The following UBE2E2 variants were observed in gnomAD, a reference collection of about 807,000 sequenced individuals.
UBE2E2 encodes ubiquitin conjugating enzyme E2 E2.
In UBE2E2, 6 loss-of-function variants were observed where a neutral mutation model predicts 24.7. The observed-to-expected ratio is 0.24, with a 90% CI of 0.13 to 0.48. UBE2E2 has a LOEUF of 0.48. Among genes scored for constraint, UBE2E2 ranks in the 20% least tolerant of loss-of-function variants. UBE2E2 has a pLI of 0.99. For synonymous variants in UBE2E2, 104 were observed against 83.6 expected (o/e 1.24, Z -1.33); for missense variants, 169 against 245.0 (o/e 0.69, Z 2.07).
intron 3 of UBE2E2, among the ~76,000 whole-genome samples, chr3:23,416,678 A>G (rs1393665768): frequency 6.6e-6 from 1 of 152,164 alleles, no homozygotes; most frequent in African/African-American, 2.4e-5. Flanking sequence ...CGTCACTTTC[A>G]GGTACACCAA....
At chr3:23,220,995 T>A (rs973415114) in intron 3 of UBE2E2, among the ~76,000 whole-genome samples, 2 of 152,218 alleles carry the variant, frequency 1.3e-5, no homozygotes, top group Non-Finnish European at 2.9e-5. Context: ...AACTTGCTCC[T>A]CTGTATCACA....
intron 4 of UBE2E2, among the ~76,000 whole-genome samples, chr3:23,520,675 T>C (rs1258745726): frequency 6.6e-6 from 1 of 152,152 alleles, no homozygotes; most frequent in Non-Finnish European, 1.5e-5. Context: ...AGACACAGAG[T>C]CTCTGTCATT....
intron 3 of UBE2E2, among the ~76,000 whole-genome samples, chr3:23,294,967 A>C (rs1041070479): frequency 6.6e-6 from 1 of 152,100 alleles, no homozygotes; most frequent in Non-Finnish European, 1.5e-5. Flanking sequence ...AGCTACCTGA[A>C]ACTGAGTCTA....
chr3:23,229,113 T>A (rs953285731), intron 3 of UBE2E2, among the ~76,000 whole-genome samples: 3 of 152,196 alleles, frequency 2.0e-5, no homozygotes, highest in African/African-American at 7.2e-5. Context: ...ATCCCTGCAT[T>A]TCAGGTAGCA....
At chr3:23,515,594 T>G (rs1694716345) in intron 4 of UBE2E2, among the ~76,000 whole-genome samples, 1 of 152,128 alleles carries the variant, frequency 6.6e-6, no homozygotes, top group African/African-American at 2.4e-5. Flanking sequence ...ATATACTCCC[T>G]GTAAAAATTA....
intron 5 of UBE2E2, among the ~76,000 whole-genome samples, chr3:23,535,098 G>C (rs770573577): frequency 2.6e-5 from 4 of 152,316 alleles, no homozygotes; most frequent in Non-Finnish European, 5.9e-5. Context: ...AGCAGATGTA[G>C]ATTTGAAAAC....
At chr3:23,387,650 G>A (rs1696833373) in intron 3 of UBE2E2, among the ~76,000 whole-genome samples, 2 of 152,120 alleles carry the variant, frequency 1.3e-5, no homozygotes, top group Non-Finnish European at 2.9e-5. Flanking sequence ...AATTATTTGT[G>A]TGTGTGTTTT....
At chr3:23,432,734 C>T (rs1167364935) in intron 3 of UBE2E2, among the ~76,000 whole-genome samples, 1 of 151,872 alleles carries the variant, frequency 6.6e-6, no homozygotes, top group Non-Finnish European at 1.5e-5. Context: ...ACTTTCCCAG[C>T]CATATAGAGA....
At chr3:23,224,834 T>A (rs1191599270) in intron 3 of UBE2E2, among the ~76,000 whole-genome samples, 1 of 152,174 alleles carries the variant, frequency 6.6e-6, no homozygotes, top group Non-Finnish European at 1.5e-5. Flanking sequence ...TAGACATTTG[T>A]TTTCATTTCT....
intron 5 of UBE2E2, among the ~76,000 whole-genome samples, chr3:23,533,067 TG>T (rs1390197309): frequency 6.6e-6 from 1 of 152,206 alleles, no homozygotes; most frequent in African/African-American, 2.4e-5. Context: ...TTGAGGAATG[TG>T]GGCTATTAAA....
chr3:23,509,671 G>C (rs1396284265), intron 4 of UBE2E2, among the ~76,000 whole-genome samples: 1 of 151,860 alleles, frequency 6.6e-6, no homozygotes, highest in Non-Finnish European at 1.5e-5. Flanking sequence ...TTGGCGTGCT[G>C]CACCCGTTAA....
At chr3:23,243,771 G>A (rs1399851373) in intron 3 of UBE2E2, among the ~76,000 whole-genome samples, 1 of 149,432 alleles carries the variant, frequency 6.7e-6, no homozygotes, top group Non-Finnish European at 1.5e-5. Context: ...TGGCCTTAAA[G>A]TTTTAATAAT....
At chr3:23,433,024 T>C (rs1275314815) in intron 3 of UBE2E2, among the ~76,000 whole-genome samples, 2 of 151,996 alleles carry the variant, frequency 1.3e-5, no homozygotes, top group Admixed American at 6.5e-5. Context: ...TTTTAACTTA[T>C]GATGCCTTTA....
intron 5 of UBE2E2, among the ~76,000 whole-genome samples, chr3:23,582,894 T>TGTGG (rs1553622746): frequency 8.1e-4 from 91 of 112,946 alleles, no homozygotes; most frequent in Non-Finnish European, 1.2e-3. Flanking sequence ...TGTGTGTGTG[T>TGTGG]TGTGTGTTTG....
chr3:23,447,679 T>C (rs1698466484), intron 3 of UBE2E2, among the ~76,000 whole-genome samples: 2 of 152,240 alleles, frequency 1.3e-5, no homozygotes, highest in Admixed American at 6.5e-5. Context: ...ATCCTTTCTT[T>C]GTGCTCAAGT....
chr3:23,345,080 T>G (rs34732257), intron 3 of UBE2E2, among the ~76,000 whole-genome samples: 11,113 of 152,216 alleles, frequency 0.073, 521 homozygotes, highest in Non-Finnish European at 0.088. Flanking sequence ...TCAGTACAGC[T>G]GCACTTATTT....
chr3:23,570,359 T>G (rs1031348927), intron 5 of UBE2E2, among the ~76,000 whole-genome samples: 2 of 152,184 alleles, frequency 1.3e-5, no homozygotes, highest in African/African-American at 4.8e-5. Context: ...AGTTCCCTGA[T>G]GTTGAAGACC....
At chr3:23,291,420 ATGT>A (rs1559335389) in intron 3 of UBE2E2, among the ~76,000 whole-genome samples, 1 of 152,220 alleles carries the variant, frequency 6.6e-6, no homozygotes, top group Admixed American at 6.5e-5. Context: ...GTCTTTTCAC[ATGT>A]TGTAATAATA....
chr3:23,348,622 T>C (rs923113779), intron 3 of UBE2E2, among the ~76,000 whole-genome samples: 1 of 152,160 alleles, frequency 6.6e-6, no homozygotes, highest in African/African-American at 2.4e-5. Flanking sequence ...GGTCAGTCCA[T>C]CCCATTTAGG....
Sources: allele counts gnomAD v4.1 joint callset (sites outside exome capture counted in the v4.1 genomes callset), GRCh38; gene constraint gnomAD v4.1.1; transcripts MANE v1.5; gene names NCBI Gene and HGNC (gene_info 2026-07-23, HGNC 2026-07-21).